The following XPOT variants were observed in gnomAD, a reference collection of about 807,000 sequenced individuals.
XPOT encodes the protein exportin for tRNA, also known as exportin-T.
A neutral mutation model predicts 128.2 loss-of-function variants in XPOT; 34 were observed. That is an observed-to-expected ratio of 0.27 (90% confidence interval 0.20 to 0.35). The LOEUF is 0.35. XPOT is among the 10% of genes least tolerant of loss of function. The pLI is 1.00. For missense variants in XPOT, 838 were observed against 1,125.3 expected (o/e 0.74, Z 3.65); for synonymous variants, 348 against 394.3 (o/e 0.88, Z 1.39).
At chr12:64,425,502 T>C (rs770916629) in intron 14 of XPOT, 45 bp downstream of exon 14, 1 of 1,604,504 alleles carries the variant, frequency 6.2e-7, no homozygotes, top group South Asian at 1.1e-5. Flanking sequence ...TTTCAGCTAA[T>C]GACTTGATAG....
intron 14 of XPOT, 80 bp from the exon 15 acceptor site, chr12:64,425,735 T>A: frequency 7.2e-7 from 1 of 1,395,602 alleles, no homozygotes; most frequent in Non-Finnish European, 1.0e-6. Flanking sequence ...TAAAATTTGG[T>A]GTGAACAAAA....
At chr12:64,423,804 T>C (rs975634384) in intron 11 of XPOT, among the ~76,000 whole-genome samples, 49 of 152,182 alleles carry the variant, frequency 3.2e-4, no homozygotes, top group Non-Finnish European at 6.0e-4. Flanking sequence ...TAGTAAAATA[T>C]TGATAATATT....
rs758849914 is a variant in XPOT at position 64,425,832 on chromosome 12, C to A, written c.1590C>A (p.His530Gln). ...TTCTTTAGATGGCTTTCTTAGATCA[C>A]AGAGGTCTGCGGCATTCCAGTGCAA... ...IPCVLMAFLDHRGLRHSSAKV... is the reference protein window; with the variant it reads ...IPCVLMAFLDQRGLRHSSAKV... The change falls in exon 15 of 25, where the codon CAC becomes CAA. Residue 530 changes from histidine (H) to glutamine (Q), a missense_variant. By Grantham distance (24) the His-to-Gln change is conservative. Transcript: ENST00000332707. The A allele has an allele frequency of 6.2e-7, 1 of 1,614,004 alleles. No individual in the cohort carries two copies. The highest frequency in any genetic ancestry group is 1.7e-5 in the Admixed American group (1 of 60,020).
At position 64,421,433 on chromosome 12, in the gene XPOT, A is replaced by G; in HGVS notation, c.1042A>G (p.Ile348Val). The G allele has an allele frequency of 1.2e-6, 2 of 1,613,866 alleles. No homozygotes were observed. The highest frequency in any genetic ancestry group is 1.7e-6 in the Non-Finnish European group (2 of 1,179,798). Reference sequence around the variant, plus strand: ...GGATGATGATATTTCTTCTAATATTATTGGATTTTGTTACGATTATCTTCA... The same window carrying G: ...GGATGATGATATTTCTTCTAATATTGTTGGATTTTGTTACGATTATCTTCA... ...HEDDDISSNI[I>V]GFCYDYLHIL... is the part of the protein sequence containing the mutation. Residue 348 changes from isoleucine to valine, a missense_variant, in exon 9 of 25, where the codon ATT becomes GTT. By Grantham distance (29) the Ile-to-Val change is conservative (BLOSUM62 3). Transcript: ENST00000332707.
intron 19 of XPOT, among the ~76,000 whole-genome samples, chr12:64,433,900 T>A (rs1477220931): frequency 6.6e-6 from 1 of 152,240 alleles, no homozygotes; most frequent in Non-Finnish European, 1.5e-5. Flanking sequence ...ATGGCAAATT[T>A]GCCATTTTGA....
At chr12:64,438,662 C>G (rs1049933570) in intron 22 of XPOT, among the ~76,000 whole-genome samples, 21 of 149,814 alleles carry the variant, frequency 1.4e-4, no homozygotes, top group East Asian at 5.9e-4. Flanking sequence ...GAGTCTCGCT[C>G]TGTCACCCAG....
At position 64,431,564 on chromosome 12, in the gene XPOT, A is replaced by G. The variant is rs1413170541; in HGVS notation, c.2003A>G (p.Lys668Arg). ...ASRTSKAFSN[K>R]QTVKQCGCSE... is the part of the protein sequence containing the mutation. Reference sequence around the variant, plus strand: ...CGAACCAGTAAAGCTTTCAGCAACAAACAGACTGTGAAACAATGTGGCTGT... The same window carrying G: ...CGAACCAGTAAAGCTTTCAGCAACAGACAGACTGTGAAACAATGTGGCTGT... The change falls in exon 18 of 25, where the codon AAA becomes AGA. Residue 668 changes from lysine to arginine, a missense_variant. By Grantham distance (26) the Lys-to-Arg change is conservative. Around this residue, in one of 3 missense-constraint regions of XPOT, gnomAD observed 761 missense variants for 988.3 expected, o/e 0.77. Coordinates refer to ENST00000332707, the MANE Select transcript of XPOT (RefSeq NM_007235.6). 3.1e-6 allele frequency: 5 copies of G among 1,613,936 alleles called. No homozygotes were observed. Among genetic ancestry groups the G allele is most frequent in the South Asian group, 2.2e-5 (2 of 91,072 alleles).
intron 6 of XPOT, among the ~76,000 whole-genome samples, chr12:64,419,342 G>T (rs1461281366): frequency 6.6e-6 from 1 of 152,012 alleles, no homozygotes; most frequent in Non-Finnish European, 1.5e-5. Flanking sequence ...TTTTGAGACG[G>T]AGTCTTGCTC....
rs2040115527 is a variant in XPOT, at chr12:64,419,113, A to AT, written c.489+25dup. ...ATCAGAGGCAAGTAACTAACCATGAATTTTTTATATTTAATGTAAGTTTTG... is the reference window on the plus strand; with the variant it reads ...ATCAGAGGCAAGTAACTAACCATGAATTTTTTTATATTTAATGTAAGTTTTG... On this transcript the variant is annotated intron_variant, in intron 6 of 24. Coordinates refer to ENST00000332707, the MANE Select transcript of XPOT (RefSeq NM_007235.6). 3.1e-6 allele frequency: 5 copies of AT among 1,594,290 alleles called. No individual in the cohort carries two copies. Among genetic ancestry groups the AT allele is most frequent in the Middle Eastern group, 3.3e-4 (2 of 5,998 alleles).
intron 4 of XPOT, 41 bp downstream of exon 4, chr12:64,416,795 G>A (rs1302525264): frequency 6.5e-7 from 1 of 1,531,708 alleles, no homozygotes; most frequent in Non-Finnish European, 8.9e-7. Context: ...TTTGCGGGGA[G>A]AGGTCATTTT....
intron 23 of XPOT, among the ~76,000 whole-genome samples, chr12:64,440,132 C>T (rs2040313346): frequency 6.6e-6 from 1 of 152,116 alleles, no homozygotes; most frequent in African/African-American, 2.4e-5. Flanking sequence ...TTCCCATTTC[C>T]CACAGCCCCC....
chr12:64,420,056 G>A lies in XPOT; in HGVS notation c.490-14G>A, dbSNP rs1006476060. ...TAAGGTAATCTACTTTGCATTTGGC[G>A]TTTTGTATTTTAGGAGGCTCGTAGG... On this transcript the variant is annotated splice_polypyrimidine_tract_variant and intron_variant, in intron 6 of 24. Coordinates refer to ENST00000332707, the MANE Select transcript of XPOT (RefSeq NM_007235.6). 9.7e-6 allele frequency: 15 copies of A among 1,543,638 alleles called. No homozygotes were observed. In the East Asian group the frequency reaches 1.4e-4, roughly 14 times the overall value.
chr12:64,408,293 G>A (rs980587895), intron 1 of XPOT, among the ~76,000 whole-genome samples: 1 of 151,942 alleles, frequency 6.6e-6, no homozygotes, highest in African/African-American at 2.4e-5. Flanking sequence ...TGTATTTTTA[G>A]TAGGGGATTT....
chr12:64,406,265 G>A (rs1333229858), intron 1 of XPOT, among the ~76,000 whole-genome samples: 1 of 151,422 alleles, frequency 6.6e-6, no homozygotes, highest in Admixed American at 6.6e-5. Flanking sequence ...TAGTAGAGAC[G>A]GCGTTTCACC....
chr12:64,417,646 C>T (rs958206992), intron 4 of XPOT, among the ~76,000 whole-genome samples: 1 of 152,124 alleles, frequency 6.6e-6, no homozygotes, highest in African/African-American at 2.4e-5. Flanking sequence ...CATGACAATT[C>T]TCTCTTAGAG....
chr12:64,410,826 A>G (rs1267705794), intron 2 of XPOT, among the ~76,000 whole-genome samples: 2 of 102,368 alleles, frequency 2.0e-5, no homozygotes, highest in African/African-American at 7.7e-5. Flanking sequence ...AAATATAAAG[A>G]ATGAGCCTAT....
At chr12:64,416,849 T>C (rs2040092158) in intron 4 of XPOT, 95 bp downstream of exon 4, 1 of 1,108,788 alleles carries the variant, frequency 9.0e-7, no homozygotes, top group African/African-American at 1.6e-5. Flanking sequence ...ATAATACAGG[T>C]TGTAAATTCA....
Position 64,425,817 on chromosome 12 carries a change from G to A in XPOT, c.1575G>A (p.Met525Ile). 1 of 1,613,602 alleles carries A rather than the reference G, an allele frequency of 6.2e-7. No homozygotes were observed. Among genetic ancestry groups the A allele is most frequent in the Non-Finnish European group, 8.5e-7 (1 of 1,179,768 alleles). Residue 525 changes from methionine to isoleucine, a missense_variant and splice_region_variant, in exon 15 of 25, where the codon ATG (methionine) becomes ATA (isoleucine). Physicochemically the swap from Met to Ile is conservative, Grantham distance 10. This residue lies in a region of XPOT where 761 missense variants were observed against 988.3 expected (regional missense o/e 0.77). Coordinates refer to ENST00000332707, the MANE Select transcript of XPOT (RefSeq NM_007235.6). ...AGTAAAAGTGTCTCCTTCTTTAGAT[G>A]GCTTTCTTAGATCACAGAGGTCTGC... ...VEPQHIPCVL[M>I]AFLDHRGLRH...
At chr12:64,415,090 T>C in intron 3 of XPOT, 101 bp downstream of exon 3, 3 of 795,334 alleles carry the variant, frequency 3.8e-6, no homozygotes, top group Non-Finnish European at 2.1e-6. Flanking sequence ...AAAAACATTT[T>C]ATGACTTTTT....
Sources: allele counts gnomAD v4.1 joint callset (sites outside exome capture counted in the v4.1 genomes callset), GRCh38; gene constraint gnomAD v4.1.1; regional missense constraint gnomAD v4.1.1; transcripts MANE v1.5; gene names NCBI Gene and HGNC (gene_info 2026-07-23, HGNC 2026-07-21).